PTPN4: variants seen among roughly 807,000 people sequenced by gnomAD.
The protein encoded by PTPN4 is tyrosine-protein phosphatase non-receptor type 4.
A neutral mutation model predicts 135.5 loss-of-function variants in PTPN4; 49 were observed. The observed-to-expected ratio is 0.36, with a 90% CI of 0.29 to 0.46. PTPN4 has a LOEUF of 0.46. Among genes scored for constraint, PTPN4 ranks in the 20% least tolerant of loss-of-function variants. The pLI is 1.00. For synonymous variants in PTPN4, 333 were observed against 369.9 expected (o/e 0.90, Z 1.14); for missense variants, 860 against 1,101.0 (o/e 0.78, Z 3.10).
intron 1 of PTPN4, among the ~76,000 whole-genome samples, chr2:119,802,923 T>C (rs943264715): frequency 4.6e-5 from 7 of 152,318 alleles, no homozygotes; most frequent in Middle Eastern, 3.4e-3. Context: ...CTGTTTCATA[T>C]TGGCTGAATT....
At chr2:119,957,396 C>T (rs1679304123) in intron 22 of PTPN4, among the ~76,000 whole-genome samples, 1 of 152,120 alleles carries the variant, frequency 6.6e-6, no homozygotes, top group Non-Finnish European at 1.5e-5. Flanking sequence ...CAGGAGCCCC[C>T]AACCCCTGGG....
chr2:119,982,256 G>C lies in PTPN4; in HGVS notation c.*5186G>C, dbSNP rs1001703669. The C allele has an allele frequency of 6.6e-6, 1 of 152,080 alleles. No individual in the cohort carries two copies. The highest frequency in any genetic ancestry group is 1.5e-5 in the Non-Finnish European group (1 of 67,986). 9.4% of individuals were successfully genotyped at this position (152,080 alleles called of 1,614,324 possible). ...GAAAATATTTTTCTATGGACAGAAG[G>C]TTGAAACTGTTAACTTCTTTAATTT... On this transcript the variant is annotated 3_prime_UTR_variant, in exon 27 of 27. Transcript: ENST00000263708.
chr2:119,882,753 TAAAG>T (rs1269812612), intron 8 of PTPN4, 130 bp downstream of exon 8: 4 of 799,332 alleles, frequency 5.0e-6, no homozygotes, highest in Non-Finnish European at 7.3e-6. Context: ...AATATTATCA[TAAAG>T]AAATATAGGT....
chr2:119,823,322 C>T (rs1384337590), intron 2 of PTPN4, among the ~76,000 whole-genome samples: 1 of 151,892 alleles, frequency 6.6e-6, no homozygotes, highest in Non-Finnish European at 1.5e-5. Context: ...GCAAGCTCCG[C>T]CTCCCGGATT....
intron 2 of PTPN4, among the ~76,000 whole-genome samples, chr2:119,843,385 A>G (rs1490758017): frequency 1.4e-5 from 2 of 143,336 alleles, no homozygotes; most frequent in Non-Finnish European, 3.0e-5. Context: ...TCCCATGTCT[A>G]CTTCTTTCTA....
At chr2:119,814,038 G>T (rs918418074) in intron 2 of PTPN4, among the ~76,000 whole-genome samples, 20 of 152,066 alleles carry the variant, frequency 1.3e-4, no homozygotes, top group African/African-American at 4.8e-4. Context: ...GTGTGTATGT[G>T]TGACACACAC....
At chr2:119,831,444 A>G (rs1677218810) in intron 2 of PTPN4, among the ~76,000 whole-genome samples, 1 of 152,180 alleles carries the variant, frequency 6.6e-6, no homozygotes, top group Admixed American at 6.5e-5. Context: ...TTTTGTTCCA[A>G]TGTCTACCCT....
intron 12 of PTPN4, among the ~76,000 whole-genome samples, chr2:119,926,214 A>T (rs1299960565): frequency 6.6e-6 from 1 of 152,206 alleles, no homozygotes; most frequent in Non-Finnish European, 1.5e-5. Context: ...ATCTGAACAC[A>T]TTGGTGTACT....
At chr2:119,865,398 A>G (rs1027218994) in intron 3 of PTPN4, among the ~76,000 whole-genome samples, 2 of 152,174 alleles carry the variant, frequency 1.3e-5, no homozygotes, top group African/African-American at 4.8e-5. Flanking sequence ...ACTTATGATG[A>G]AAGTGTCATT....
intron 1 of PTPN4, among the ~76,000 whole-genome samples, chr2:119,802,961 G>C (rs1379744431): frequency 1.3e-5 from 2 of 152,022 alleles, no homozygotes; most frequent in African/African-American, 2.4e-5. Flanking sequence ...TCATGGAATT[G>C]GTTCTTTTTA....
Position 119,984,064 on chromosome 2 carries a change from A to T in PTPN4, c.*6994A>T, listed in dbSNP as rs1156944034. Reference sequence around the variant, plus strand: ...AACTGTTTTTATTTTCTGCCAGTAGACTCTATCTGCTTAAAAAAATAAAAA... The same window carrying T: ...AACTGTTTTTATTTTCTGCCAGTAGTCTCTATCTGCTTAAAAAAATAAAAA... On this transcript the variant is annotated 3_prime_UTR_variant, in exon 27 of 27. Coordinates refer to ENST00000263708, the MANE Select transcript of PTPN4 (RefSeq NM_002830.4). Among the ~76,000 whole-genome samples, 1 of 151,888 alleles carries T rather than the reference A, an allele frequency of 6.6e-6. No individual in the cohort carries two copies. The highest frequency in any genetic ancestry group is 2.4e-5 in the African/African-American group (1 of 41,328).
Position 119,760,387 on chromosome 2 carries a change from A to G in PTPN4, c.-18+3A>G, listed in dbSNP as rs1048237501. On this transcript the variant is annotated splice_donor_region_variant and intron_variant, in intron 1 of 26. Coordinates refer to ENST00000263708, the MANE Select transcript of PTPN4 (RefSeq NM_002830.4). The stretch of plus-strand genomic sequence containing the variant: ...GGACGCGGCTGTGATATACGAAGGT[A>G]AGAGGTTCTCCGGTCCCCGCCGGCC... 5.1e-6 allele frequency: 2 copies of G among 388,788 alleles called. No individual in the cohort carries two copies. Among genetic ancestry groups the G allele is most frequent in the Admixed American group, 4.5e-5 (1 of 22,398 alleles). 24.1% of individuals were successfully genotyped at this position (388,788 alleles called of 1,614,324 possible). A position where few individuals can be genotyped will look rare whatever the true frequency, so the allele number is the denominator to read the frequency against.
In PTPN4 at chr2:119,811,096, G is replaced by A. The variant is rs374549713; in HGVS notation, c.138+1105G>A. On this transcript the variant is annotated intron_variant, in intron 2 of 26. Transcript: ENST00000263708. ...GGCCAGTCGGGGGATTAGGGGCTGGGGGAGGGATAGCATTAGGAGAAATAC... is the reference window on the plus strand; with the variant it reads ...GGCCAGTCGGGGGATTAGGGGCTGGAGGAGGGATAGCATTAGGAGAAATAC... 5.9e-5 allele frequency among the ~76,000 whole-genome samples: 9 copies of A among 152,160 alleles called. No individual in the cohort carries two copies. The East Asian group carries it at 7.7e-4, about 13-fold the overall frequency.
chr2:119,812,075 A>G (rs554733670), intron 2 of PTPN4, among the ~76,000 whole-genome samples: 2 of 152,218 alleles, frequency 1.3e-5, no homozygotes. Flanking sequence ...GTTATGTGGT[A>G]TATTTATTCC....
intron 10 of PTPN4, among the ~76,000 whole-genome samples, 169 bp from the exon 11 acceptor site, chr2:119,915,010 A>AT (rs2105025183): frequency 6.6e-6 from 1 of 152,172 alleles, no homozygotes; most frequent in South Asian, 2.1e-4. Context: ...AATACTAATT[A>AT]TTTTTTCCAT....
intron 15 of PTPN4, among the ~76,000 whole-genome samples, chr2:119,936,797 C>G (rs1334150640): frequency 6.6e-6 from 1 of 152,142 alleles, no homozygotes; most frequent in Admixed American, 6.5e-5. Context: ...TGCTTCTTCT[C>G]TCTTGTGCAC....
intron 1 of PTPN4, among the ~76,000 whole-genome samples, chr2:119,785,658 G>T (rs369566685): frequency 1.3e-5 from 2 of 152,020 alleles, no homozygotes; most frequent in South Asian, 2.1e-4. Context: ...AAAATTAAAA[G>T]AATGATGCAT....
At chr2:119,855,825 A>G (rs776862178) in intron 2 of PTPN4, among the ~76,000 whole-genome samples, 1 of 151,742 alleles carries the variant, frequency 6.6e-6, no homozygotes, top group East Asian at 1.9e-4. Flanking sequence ...TTTTTTTGAG[A>G]CAGACTCTGT....
intron 9 of PTPN4, among the ~76,000 whole-genome samples, chr2:119,898,819 A>G (rs1678362692): frequency 6.6e-6 from 1 of 152,150 alleles, no homozygotes; most frequent in Non-Finnish European, 1.5e-5. Context: ...TTCAGTCTAG[A>G]TATCTATAAT....
Sources: allele counts gnomAD v4.1 joint callset (sites outside exome capture counted in the v4.1 genomes callset), GRCh38; gene constraint gnomAD v4.1.1; transcripts MANE v1.5; gene names NCBI Gene and HGNC (gene_info 2026-07-23, HGNC 2026-07-21).